Variants in PIK3C2G observed in about 807,000 individuals in gnomAD.
PIK3C2G encodes the protein phosphatidylinositol-4-phosphate 3-kinase catalytic subunit type 2 gamma.
In PIK3C2G, 168 loss-of-function variants were observed where a neutral mutation model predicts 181.1. The observed-to-expected ratio is 0.93, with a 90% CI of 0.82 to 1.05. The LOEUF (loss-of-function observed/expected upper bound fraction) is 1.05. Ranked by LOEUF, PIK3C2G falls within the 50% of genes least tolerant of loss-of-function variation. The probability of loss-of-function intolerance (pLI) is 0.00; values close to 1 mark genes in which losing one functional copy is unlikely to be tolerated. For synonymous variants in PIK3C2G, 573 were observed against 592.2 expected (o/e 0.97, Z 0.47); for missense variants, 1,869 against 1,732.8 (o/e 1.08, Z -1.40).
chr12:18,588,593 A>T (rs1453541658), intron 29 of PIK3C2G, among the ~76,000 whole-genome samples: 4 of 152,128 alleles, frequency 2.6e-5, no homozygotes. Context: ...AAAAAATAAC[A>T]GGTGCTGGAG....
At chr12:18,417,859 T>C (rs1384018551) in intron 16 of PIK3C2G, among the ~76,000 whole-genome samples, 1 of 152,116 alleles carries the variant, frequency 6.6e-6, no homozygotes, top group Non-Finnish European at 1.5e-5. Flanking sequence ...TACATCCCTC[T>C]CTTTCATTGC....
chr12:18,528,929 A>T (rs553700708), intron 24 of PIK3C2G, among the ~76,000 whole-genome samples: 11 of 152,332 alleles, frequency 7.2e-5, no homozygotes. Context: ...TAATTCTTAC[A>T]GAAACTCTTT....
At chr12:18,309,616 G>A (rs2137369216) in intron 5 of PIK3C2G, among the ~76,000 whole-genome samples, 1 of 151,868 alleles carries the variant, frequency 6.6e-6, no homozygotes, top group South Asian at 2.1e-4. Flanking sequence ...CTATATTATA[G>A]TATGCAGAAG....
At chr12:18,678,657 ATT>A in the PIK3C2G span, among the ~76,000 whole-genome samples, 1 of 152,006 alleles carries the variant, frequency 6.6e-6, no homozygotes, top group African/African-American at 2.4e-5. Context: ...ATTTTGATTC[ATT>A]GTTATTAATG....
At chr12:18,476,565 C>T (rs1430967881) in intron 18 of PIK3C2G, among the ~76,000 whole-genome samples, 1 of 152,034 alleles carries the variant, frequency 6.6e-6, no homozygotes, top group Non-Finnish European at 1.5e-5. Context: ...ATGAAGGCCC[C>T]AGTTAAACTC....
the PIK3C2G span, chr12:18,699,854 G>T: frequency 4.3e-6 from 7 of 1,613,190 alleles, no homozygotes; most frequent in Non-Finnish European, 5.9e-6. Context: ...TCATTAAATT[G>T]CTGATATAAT....
In PIK3C2G at chr12:18,485,102, C is replaced by A. The variant is rs145583625; in HGVS notation, c.2505-3347C>A. 5.4e-3 allele frequency among the ~76,000 whole-genome samples: 822 copies of A among 152,232 alleles called. 5 individuals are homozygous for A. The highest frequency in any genetic ancestry group is 0.019 in the African/African-American group (778 of 41,546). Reference sequence around the variant, plus strand: ...AGAAAATACACACGTGAGTAAAATTCTAGGACAGTCCCTGAGATGTGCAAT... The same window carrying A: ...AGAAAATACACACGTGAGTAAAATTATAGGACAGTCCCTGAGATGTGCAAT... On this transcript the variant is annotated intron_variant, in intron 18 of 32. Transcript: ENST00000538779.
intron 8 of PIK3C2G, among the ~76,000 whole-genome samples, chr12:18,330,362 C>T (rs888792759): frequency 1.3e-5 from 2 of 152,052 alleles, no homozygotes; most frequent in African/African-American, 4.8e-5. Flanking sequence ...TATTTGCTCT[C>T]AATTTGGTTT....
intron 18 of PIK3C2G, among the ~76,000 whole-genome samples, chr12:18,432,675 G>C (rs2135770978): frequency 6.6e-6 from 1 of 152,276 alleles, no homozygotes; most frequent in East Asian, 1.9e-4. Flanking sequence ...AATAATATTT[G>C]AATTTGGCAT....
chr12:18,441,859 G>T (rs758787011), intron 18 of PIK3C2G, among the ~76,000 whole-genome samples: 10 of 152,142 alleles, frequency 6.6e-5, no homozygotes. Context: ...GTCAAATGCA[G>T]CATTGTGAAT....
intron 29 of PIK3C2G, among the ~76,000 whole-genome samples, chr12:18,576,556 GTAAAA>G (rs1946241231): frequency 6.6e-6 from 1 of 152,264 alleles, no homozygotes; most frequent in Non-Finnish European, 1.5e-5. Flanking sequence ...AAACAAAGAA[GTAAAA>G]TAAAATAATT....
At chr12:18,389,379 C>A (rs1262823666) in intron 14 of PIK3C2G, among the ~76,000 whole-genome samples, 6 of 151,682 alleles carry the variant, frequency 4.0e-5, no homozygotes, top group Non-Finnish European at 8.8e-5. Flanking sequence ...AATTTGAGAC[C>A]AAAGCCAGGC....
At chr12:18,426,884 A>G (rs1201173166) in intron 18 of PIK3C2G, among the ~76,000 whole-genome samples, 8 of 152,204 alleles carry the variant, frequency 5.3e-5, no homozygotes, top group Admixed American at 5.2e-4. Flanking sequence ...ATGTTATTAT[A>G]ATAAAACATA....
chr12:18,395,088 T>A (rs1414641567), intron 15 of PIK3C2G, among the ~76,000 whole-genome samples: 2 of 150,688 alleles, frequency 1.3e-5, no homozygotes, highest in Non-Finnish European at 1.5e-5. Context: ...TCATTCCTTC[T>A]TTCTTTCTTT....
intron 18 of PIK3C2G, among the ~76,000 whole-genome samples, chr12:18,428,318 T>TA (rs538661611): frequency 2.7e-5 from 4 of 149,212 alleles, no homozygotes; most frequent in Non-Finnish European, 5.9e-5. Context: ...TATCTTTCCT[T>TA]AAAAAAAAGT....
chr12:18,705,986 G>T, the PIK3C2G span, among the ~76,000 whole-genome samples: 1 of 152,012 alleles, frequency 6.6e-6, no homozygotes, highest in Non-Finnish European at 1.5e-5. Context: ...CAGCACTTTG[G>T]GAGGCCGAGG....
At chr12:18,576,120 A>G (rs1274209467) in intron 29 of PIK3C2G, among the ~76,000 whole-genome samples, 1 of 152,244 alleles carries the variant, frequency 6.6e-6, no homozygotes, top group East Asian at 1.9e-4. Flanking sequence ...ACATTTTAAA[A>G]CTTGCAGAAA....
intron 31 of PIK3C2G, among the ~76,000 whole-genome samples, chr12:18,617,010 T>C (rs1479849690): frequency 1.3e-5 from 2 of 152,124 alleles, no homozygotes; most frequent in Non-Finnish European, 2.9e-5. Context: ...ATTAAAACTC[T>C]AATCTAATGC....
chr12:18,345,781 G>A (rs1939614532), intron 10 of PIK3C2G, among the ~76,000 whole-genome samples: 1 of 152,074 alleles, frequency 6.6e-6, no homozygotes, highest in South Asian at 2.1e-4. Flanking sequence ...GTACTGTTAA[G>A]ACTGAACTAC....
Sources: allele counts gnomAD v4.1 joint callset (sites outside exome capture counted in the v4.1 genomes callset), GRCh38; gene constraint gnomAD v4.1.1; transcripts MANE v1.5; gene names NCBI Gene and HGNC (gene_info 2026-07-23, HGNC 2026-07-21).